Variants in KHDC1 observed in about 807,000 individuals in gnomAD.
KHDC1 encodes the protein KH domain containing 1.
KHDC1 carries 21 observed loss-of-function variants against 24.7 expected under a neutral mutation model. That is an observed-to-expected ratio of 0.85 (90% CI 0.60 to 1.23). KHDC1 has a LOEUF of 1.23. KHDC1 is among the 50% of genes most tolerant of loss of function. The pLI is 0.00. For missense variants in KHDC1, 274 were observed against 298.5 expected, an observed-to-expected ratio of 0.92 and a Z score of 0.61; for synonymous variants, 98 against 111.7, an observed-to-expected ratio of 0.88 and a Z score of 0.77.
chr6:73,255,024 A>G (rs1766856513), intron 2 of KHDC1, among the ~76,000 whole-genome samples: 1 of 151,782 alleles, frequency 6.6e-6, no homozygotes, highest in South Asian at 2.1e-4. Flanking sequence ...AAAAAAAGAA[A>G]CAGGTTTCCT....
intron 2 of KHDC1, among the ~76,000 whole-genome samples, chr6:73,264,662 A>G (rs1767050189): frequency 6.6e-6 from 1 of 152,376 alleles, no homozygotes; most frequent in African/African-American, 2.4e-5. Flanking sequence ...CCAGAGGCAC[A>G]CAGGAAGGAA....
At position 73,242,003 on chromosome 6, in the gene KHDC1, G is replaced by C; in HGVS notation, c.514+52C>G. On this transcript the variant is annotated intron_variant, in intron 4 of 4. Coordinates refer to ENST00000370384, the Ensembl canonical transcript of KHDC1. The stretch of plus-strand genomic sequence containing the variant: ...AGAATCCAAGATGCTACACAACTTA[G>C]CCAGAACTCCACCACCAAGTCTAAA... The C allele has an allele frequency of 2.6e-6, 4 of 1,552,808 alleles. No homozygotes were observed. The South Asian group carries it at 4.9e-5, about 19-fold the overall frequency.
At chr6:73,250,557 C>A (rs1219762011) in intron 2 of KHDC1, among the ~76,000 whole-genome samples, 5 of 152,230 alleles carry the variant, frequency 3.3e-5, no homozygotes, top group Non-Finnish European at 7.3e-5. Context: ...GCATAATATG[C>A]CTGGAATGCC....
rs188291559 is a variant in KHDC1, at chr6:73,293,307, C to T, written c.164-1267G>A. 1.1e-3 allele frequency: 608 copies of T among 549,894 alleles called. 1 individual carries two copies. Among genetic ancestry groups the T allele is most frequent in the Non-Finnish European group, 1.7e-3 (495 of 293,384 alleles). The allele number at this position is 549,894 out of a possible 1,614,324, so 34.1% of individuals were successfully genotyped here. A position where few individuals can be genotyped will look rare whatever the true frequency, so the allele number is the denominator to read the frequency against. ...ACATAAGGAAAAGATTTTAAAAAAA[C>T]TCTAAAAGAAAGATGAAATAATAAA... is the stretch of plus-strand genomic sequence containing the variant. On this transcript the variant is annotated intron_variant, in intron 1 of 4. Coordinates refer to ENST00000370384, the Ensembl canonical transcript of KHDC1.
intron 2 of KHDC1, chr6:73,274,724 G>C (rs1028864429): frequency 2.0e-5 from 3 of 152,232 alleles, no homozygotes; most frequent in African/African-American, 7.2e-5. Flanking sequence ...TCTTTTCTTT[G>C]TAAGGTACCC....
At chr6:73,288,260 T>C (rs1767558498) in intron 2 of KHDC1, among the ~76,000 whole-genome samples, 1 of 152,150 alleles carries the variant, frequency 6.6e-6, no homozygotes, top group Non-Finnish European at 1.5e-5. Flanking sequence ...ACCTTTGATA[T>C]GAGATATGCA....
intron 1 of KHDC1, chr6:73,293,154 T>C (rs748095117): frequency 1.5e-5 from 11 of 755,312 alleles, no homozygotes; most frequent in African/African-American, 3.4e-5. Context: ...AGCAAGTGAT[T>C]GAAAAGACCA....
chr6:73,247,438 T>C (rs1766688133), intron 2 of KHDC1, among the ~76,000 whole-genome samples: 1 of 152,238 alleles, frequency 6.6e-6, no homozygotes, highest in African/African-American at 2.4e-5. Context: ...CCTTTCCACC[T>C]CTTCCTCCTG....
At chr6:73,255,904 CA>C (rs1205326198) in intron 2 of KHDC1, among the ~76,000 whole-genome samples, 529 of 49,438 alleles carry the variant, frequency 0.011, 4 homozygotes, top group African/African-American at 0.029. Flanking sequence ...CCTGTCTCAA[CA>C]AAAAAAAAAA....
chr6:73,248,563 T>C (rs541924416), intron 2 of KHDC1, among the ~76,000 whole-genome samples: 1 of 152,274 alleles, frequency 6.6e-6, no homozygotes, highest in Non-Finnish European at 1.5e-5. Context: ...TAAGATAGAA[T>C]ATACAATCTG....
At chr6:73,297,637 CATT>C (rs1490190483) in intron 1 of KHDC1, among the ~76,000 whole-genome samples, 1 of 152,042 alleles carries the variant, frequency 6.6e-6, no homozygotes, top group Non-Finnish European at 1.5e-5. Flanking sequence ...TTGTTGCTAA[CATT>C]ATAACACAAG....
At chr6:73,271,383 A>AT (rs1226137070) in intron 2 of KHDC1, among the ~76,000 whole-genome samples, 1 of 151,128 alleles carries the variant, frequency 6.6e-6, no homozygotes, top group Non-Finnish European at 1.5e-5. Context: ...CTAATTTTGT[A>AT]TTTTTAGTAG....
intron 2 of KHDC1, among the ~76,000 whole-genome samples, chr6:73,288,803 C>CAAAAAAAA: frequency 1.3e-5 from 1 of 78,570 alleles, no homozygotes. Context: ...ACCCCCATCT[C>CAAAAAAAA]AAAAAAAAAA....
chr6:73,292,378 T>C lies in KHDC1; in HGVS notation c.164-338A>G, dbSNP rs186964525. The stretch of plus-strand genomic sequence containing the variant: ...TCTACACATATGCAAAATTCCAGTA[T>C]GAATGTGGGAATTACTCAGGAGCAG... On this transcript the variant is annotated intron_variant, in intron 1 of 4. Transcript: ENST00000370384. The C allele has an allele frequency of 1.5e-4, 115 of 791,982 alleles. No homozygotes were observed. In the African/African-American group the frequency reaches 1.9e-3, roughly 13 times the overall value. The allele number at this position is 791,982 out of a possible 1,614,324, so 49.1% of individuals were successfully genotyped here. A position where few individuals can be genotyped will look rare whatever the true frequency, so the allele number is the denominator to read the frequency against.
chr6:73,288,106 C>T (rs1214749687), intron 2 of KHDC1, among the ~76,000 whole-genome samples: 2 of 152,224 alleles, frequency 1.3e-5, no homozygotes, highest in Non-Finnish European at 2.9e-5. Context: ...ATCATATCTC[C>T]ATTTAGTTCA....
At chr6:73,241,433 T>C (rs562732290) in exon 5 of KHDC1, 1 of 1,218,248 alleles carries the variant, frequency 8.2e-7, no homozygotes, top group African/African-American at 1.5e-5. Context: ...GGCCACAAGT[T>C]CAAACTTTCC....
intron 2 of KHDC1, among the ~76,000 whole-genome samples, chr6:73,257,102 A>G (rs1449521340): frequency 6.6e-6 from 1 of 152,146 alleles, no homozygotes; most frequent in Non-Finnish European, 1.5e-5. Flanking sequence ...AGACCAGCCT[A>G]GGCAACATGG....
intron 2 of KHDC1, chr6:73,291,987 G>A (rs543202574): frequency 2.1e-4 from 344 of 1,613,608 alleles, no homozygotes; most frequent in Non-Finnish European, 3.4e-5. Flanking sequence ...TTAACTACTC[G>A]CATCACGCAC....
At position 73,298,603 on chromosome 6, in the gene KHDC1, T is replaced by C. The variant is rs376370034; in HGVS notation, c.164-6563A>G. 4.2e-3 allele frequency among the ~76,000 whole-genome samples: 636 copies of C among 151,366 alleles called. 5 individuals carry two copies. The highest frequency in any genetic ancestry group is 0.015 in the African/African-American group (619 of 41,224). Reference sequence around the variant, plus strand: ...GGCACCCGCCACCACACTCGGCTAATTTTTGTATTTTTAGTACAGACGGGG... The same window carrying C: ...GGCACCCGCCACCACACTCGGCTAACTTTTGTATTTTTAGTACAGACGGGG... On this transcript the variant is annotated intron_variant, in intron 1 of 4. Transcript: ENST00000370384.
Sources: allele counts gnomAD v4.1 joint callset (sites outside exome capture counted in the v4.1 genomes callset), GRCh38; gene constraint gnomAD v4.1.1; transcripts MANE v1.5; gene names NCBI Gene and HGNC (gene_info 2026-07-23, HGNC 2026-07-21).